SNX29: variants seen among roughly 807,000 people sequenced by gnomAD.
SNX29 encodes the protein sorting nexin-29.
Under a neutral mutation model 102.1 loss-of-function variants are expected in SNX29, and 78 were observed. That is an observed-to-expected ratio of 0.76 (90% CI 0.64 to 0.92). The LOEUF is 0.92. SNX29 is among the 40% of genes least tolerant of loss of function. SNX29 has a pLI of 0.00. For missense variants in SNX29, 1,280 were observed against 1,061.7 expected (o/e 1.21, Z -2.86); for synonymous variants, 580 against 414.5 (o/e 1.40, Z -4.85).
chr16:12,014,973 T>A (rs2056799360), intron 3 of SNX29, among the ~76,000 whole-genome samples: 1 of 152,038 alleles, frequency 6.6e-6, no homozygotes, highest in African/African-American at 2.4e-5. Flanking sequence ...GTCAACTATT[T>A]TTTTTGGGGG....
chr16:12,407,650 C>T lies in SNX29; in HGVS notation c.2037+4121C>T, dbSNP rs1184006596. 7.2e-5 allele frequency among the ~76,000 whole-genome samples: 11 copies of T among 152,258 alleles called. No homozygotes were observed. The East Asian group carries it at 2.1e-3, about 29-fold the overall frequency. On this transcript the variant is annotated intron_variant, in intron 18 of 20. Transcript: ENST00000566228. ...GTAATAGCTCATTCAATCCTTGTAG[C>T]CATCCTGTGGGGTAAGAAACTCTTA...
At chr16:12,527,885 C>T (rs2076829644) in intron 20 of SNX29, among the ~76,000 whole-genome samples, 1 of 148,486 alleles carries the variant, frequency 6.7e-6, no homozygotes, top group Admixed American at 6.8e-5. Flanking sequence ...AGTCCAGTGG[C>T]ATGATCTCGG....
chr16:11,983,084 C>G lies in SNX29; in HGVS notation c.7+6271C>G, dbSNP rs1204344383. 2.0e-5 allele frequency among the ~76,000 whole-genome samples: 3 copies of G among 152,114 alleles called. No individual in the cohort carries two copies. In the East Asian group the frequency reaches 5.8e-4, roughly 29 times the overall value. ...TAGCTGGGATTACGGGCGTGCACCA[C>G]CACGCCTGGCTAATTTTTTGTATTT... On this transcript the variant is annotated intron_variant, in intron 1 of 20. Coordinates refer to ENST00000566228, the MANE Select transcript of SNX29 (RefSeq NM_032167.5).
intron 20 of SNX29, among the ~76,000 whole-genome samples, chr16:12,551,597 G>C (rs1033339617): frequency 1.3e-5 from 2 of 152,180 alleles, no homozygotes; most frequent in African/African-American, 4.8e-5. Flanking sequence ...ACAAATTCTG[G>C]TGTTACAATT....
chr16:12,354,458 G>T (rs1299997028), intron 15 of SNX29, among the ~76,000 whole-genome samples: 2 of 152,194 alleles, frequency 1.3e-5, no homozygotes, highest in African/African-American at 4.8e-5. Flanking sequence ...GATCTGGGAC[G>T]TTTCGGTGTT....
chr16:12,117,823 C>G (rs184358852), intron 11 of SNX29, among the ~76,000 whole-genome samples: 1 of 152,120 alleles, frequency 6.6e-6, no homozygotes, highest in Admixed American at 6.6e-5. Context: ...TGGCGGGGCA[C>G]GGTGGCTCAC....
intron 20 of SNX29, among the ~76,000 whole-genome samples, chr16:12,545,804 C>A (rs1256831250): frequency 3.3e-5 from 5 of 152,086 alleles, no homozygotes; most frequent in Non-Finnish European, 5.9e-5. Flanking sequence ...CATACAGGGG[C>A]CTCCCTACTG....
At chr16:12,340,310 C>T (rs1055436593) in intron 15 of SNX29, among the ~76,000 whole-genome samples, 4 of 152,160 alleles carry the variant, frequency 2.6e-5, no homozygotes, top group African/African-American at 7.2e-5. Context: ...GAAGCCCAAC[C>T]TTTTGTTTGA....
At chr16:12,396,087 G>C (rs1041731510) in intron 16 of SNX29, among the ~76,000 whole-genome samples, 3 of 152,154 alleles carry the variant, frequency 2.0e-5, no homozygotes, top group African/African-American at 4.8e-5. Context: ...TAGAAGAAAA[G>C]CCTCTAAGTC....
chr16:12,474,300 G>T (rs2087492390), intron 18 of SNX29, among the ~76,000 whole-genome samples: 1 of 152,170 alleles, frequency 6.6e-6, no homozygotes. Flanking sequence ...ATAGGTGGGC[G>T]GATCCTGGGT....
intron 15 of SNX29, among the ~76,000 whole-genome samples, chr16:12,341,545 C>T (rs896055749): frequency 4.6e-5 from 7 of 152,332 alleles, no homozygotes; most frequent in Admixed American, 2.6e-4. Flanking sequence ...ATTTCCTGTT[C>T]GTATGTGTCC....
intron 13 of SNX29, among the ~76,000 whole-genome samples, chr16:12,139,956 G>A (rs534016607): frequency 5.0e-5 from 7 of 141,088 alleles, no homozygotes; most frequent in African/African-American, 1.9e-4. Context: ...ACTCCAGCCT[G>A]GGAGACAGAG....
intron 11 of SNX29, among the ~76,000 whole-genome samples, chr16:12,118,517 A>G (rs11865752): frequency 6.6e-6 from 1 of 151,428 alleles, no homozygotes; most frequent in Non-Finnish European, 1.5e-5. Flanking sequence ...ATGGGATTTC[A>G]CTGTGTTGGC....
intron 5 of SNX29, among the ~76,000 whole-genome samples, chr16:12,043,548 G>A (rs1221221945): frequency 6.6e-6 from 1 of 151,850 alleles, no homozygotes; most frequent in Non-Finnish European, 1.5e-5. Flanking sequence ...GTAGCGATGG[G>A]GTCTCAGTGT....
chr16:12,494,338 TA>T (rs2088702203), intron 19 of SNX29, among the ~76,000 whole-genome samples: 1 of 152,212 alleles, frequency 6.6e-6, no homozygotes, highest in Non-Finnish European at 1.5e-5. Context: ...CACGCTTGTT[TA>T]ATTGTCTCCT....
intron 9 of SNX29, among the ~76,000 whole-genome samples, chr16:12,068,400 A>G (rs1356754678): frequency 6.6e-6 from 1 of 151,212 alleles, no homozygotes; most frequent in African/African-American, 2.4e-5. Context: ...AGGTGGGAGG[A>G]CCACTGGAGC....
intron 19 of SNX29, among the ~76,000 whole-genome samples, chr16:12,513,862 T>C (rs1170010870): frequency 6.6e-6 from 1 of 152,246 alleles, no homozygotes; most frequent in African/African-American, 2.4e-5. Context: ...CGACTATTTG[T>C]TGCTCTCAGA....
intron 13 of SNX29, among the ~76,000 whole-genome samples, chr16:12,177,099 C>G (rs1043929032): frequency 6.6e-6 from 1 of 152,086 alleles, no homozygotes; most frequent in African/African-American, 2.4e-5. Context: ...AGGTACACAC[C>G]ACTACACCCG....
At chr16:12,126,088 G>T (rs1420593317) in intron 11 of SNX29, among the ~76,000 whole-genome samples, 1 of 152,106 alleles carries the variant, frequency 6.6e-6, no homozygotes, top group Non-Finnish European at 1.5e-5. Flanking sequence ...ATTTCTCAAG[G>T]TTGAGGTATA....
Sources: gnomAD v4.1 joint callset for allele counts (sites outside exome capture counted in the v4.1 genomes callset) on GRCh38, gnomAD v4.1.1 for gene constraint, MANE v1.5 for transcripts, NCBI Gene and HGNC (gene_info 2026-07-23, HGNC 2026-07-21) for gene names.